SYNJ2: variants seen among roughly 807,000 people sequenced by gnomAD.
SYNJ2 encodes synaptojanin 2.
A neutral mutation model predicts 141.3 loss-of-function variants in SYNJ2; 116 were observed. The observed-to-expected ratio is 0.82, with a 90% CI of 0.71 to 0.96. The LOEUF (loss-of-function observed/expected upper bound fraction) is 0.96, where lower values mean the gene tolerates loss of function less well. Among genes scored for constraint, SYNJ2 ranks in the 40% least tolerant of loss-of-function variants. The probability of loss-of-function intolerance (pLI) is 0.00; values close to 1 mark genes in which losing one functional copy is unlikely to be tolerated. For missense variants in SYNJ2, 1,873 were observed against 1,934.8 expected (o/e 0.97, Z 0.60); for synonymous variants, 745 against 777.7 (o/e 0.96, Z 0.70).
chr6:158,066,711 C>A, intron 12 of SYNJ2, 76 bp downstream of exon 12: 1 of 1,516,248 alleles, frequency 6.6e-7, no homozygotes. Context: ...CCTTTAGTGG[C>A]CATCGTCTTG....
In SYNJ2 at chr6:158,096,178, C is replaced by T. The variant is rs942846207; in HGVS notation, c.4305C>T (p.Asp1435=). ...ACACTTGGCTTTCTAAGAGCTCAGA[C>T]CCTTTGGACTCAGGAACCAGGAGCC... ...LNNTWLSKSS[D]PLDSGTRSPK... Residue 1435 remains aspartate (D), a synonymous_variant, in exon 27 of 27, where the codon GAC becomes GAT. Transcript: ENST00000355585. 2 of 1,614,136 alleles carry T rather than the reference C, an allele frequency of 1.2e-6. No individual in the cohort carries two copies. The highest frequency in any genetic ancestry group is 1.7e-5 in the Admixed American group (1 of 60,016).
At chr6:157,996,900 G>A (rs889171359) in intron 1 of SYNJ2, among the ~76,000 whole-genome samples, 5 of 152,150 alleles carry the variant, frequency 3.3e-5, no homozygotes, top group African/African-American at 1.2e-4. Context: ...ACAGATCCAT[G>A]AGCCAATTAA....
intron 4 of SYNJ2, among the ~76,000 whole-genome samples, chr6:158,037,418 T>G (rs78504203): frequency 1.4e-5 from 2 of 140,300 alleles, no homozygotes; most frequent in East Asian, 4.0e-4. Context: ...TTTTTTTTTT[T>G]GGAGACGGAG....
At chr6:158,033,963 C>G (rs760091404) in intron 4 of SYNJ2, among the ~76,000 whole-genome samples, 1 of 152,094 alleles carries the variant, frequency 6.6e-6, no homozygotes. Flanking sequence ...TTGCCTTGGT[C>G]GTGAAAGGTG....
intron 1 of SYNJ2, among the ~76,000 whole-genome samples, chr6:157,987,745 T>C (rs1246688590): frequency 1.3e-5 from 2 of 152,236 alleles, no homozygotes; most frequent in African/African-American, 4.8e-5. Context: ...ACTCTCCTAG[T>C]GATTTCAAAA....
chr6:157,988,544 C>T (rs1777294085), intron 1 of SYNJ2, among the ~76,000 whole-genome samples: 1 of 152,218 alleles, frequency 6.6e-6, no homozygotes, highest in Non-Finnish European at 1.5e-5. Flanking sequence ...CCGTGTCTCT[C>T]TGCTGTGTCT....
chr6:158,034,854 TG>T (rs1394174510), intron 4 of SYNJ2, among the ~76,000 whole-genome samples: 4 of 152,230 alleles, frequency 2.6e-5, no homozygotes, highest in Non-Finnish European at 5.9e-5. Context: ...AGTTGATTTT[TG>T]TATATGGTGT....
chr6:158,062,236 G>A (rs1781270845), intron 8 of SYNJ2, 72 bp downstream of exon 8: 12 of 1,568,708 alleles, frequency 7.6e-6, no homozygotes, highest in South Asian at 3.6e-5. Flanking sequence ...GGCTCGCTGC[G>A]TGCTGTGCCT....
chr6:158,073,138 T>G (rs963966044), intron 15 of SYNJ2, among the ~76,000 whole-genome samples: 1 of 152,150 alleles, frequency 6.6e-6, no homozygotes, highest in Non-Finnish European at 1.5e-5. Flanking sequence ...ATTAAAGGAT[T>G]TATAATGTAG....
In SYNJ2 at chr6:158,095,106, G is replaced by A. The variant is rs536622847; in HGVS notation, c.3745-512G>A. Among the ~76,000 whole-genome samples, 19 of 150,910 alleles carry A rather than the reference G, an allele frequency of 1.3e-4. No individual in the cohort carries two copies. The East Asian group carries it at 2.3e-3, about 19-fold the overall frequency. On this transcript the variant is annotated intron_variant, in intron 26 of 26. Transcript: ENST00000355585. ...GGAGGTTACAGTGAGCTGAGATTGCGCCATTGCACTCCAGCCTGGGGGACA... is the reference window on the plus strand; with the variant it reads ...GGAGGTTACAGTGAGCTGAGATTGCACCATTGCACTCCAGCCTGGGGGACA...
At position 157,995,661 on chromosome 6, in the gene SYNJ2, G is replaced by GCA. The variant is rs147650031; in HGVS notation, c.127+13586_127+13587dup. Among the ~76,000 whole-genome samples, 12 of 151,676 alleles carry GCA rather than the reference G, an allele frequency of 7.9e-5. No homozygotes were observed. In the South Asian group the frequency reaches 2.1e-3, roughly 26 times the overall value. Reference sequence around the variant, plus strand: ...CCAGGAGACAGACGGACACATGCATGCACACACACACACAGCGGGGACGGG... The same window carrying GCA: ...CCAGGAGACAGACGGACACATGCATGCACACACACACACACAGCGGGGACGGG... On this transcript the variant is annotated intron_variant, in intron 1 of 26. Coordinates refer to ENST00000355585, the MANE Select transcript of SYNJ2 (RefSeq NM_003898.4).
rs1389999015 is a variant in SYNJ2 at position 158,076,691 on chromosome 6, A to C, written c.2358A>C (p.Ser786=). ...CCACCTACAAGTATGACGTTGGCTC[A>C]GCCGCCTACGATACAAGCGACAAAT... ...FGPTYKYDVG[S]AAYDTSDKCR... The change falls in exon 17 of 27, where the codon TCA becomes TCC. Residue 786 remains serine, a synonymous_variant. Coordinates refer to ENST00000355585, the MANE Select transcript of SYNJ2 (RefSeq NM_003898.4). The C allele has an allele frequency of 4.3e-6, 7 of 1,614,106 alleles. No homozygotes were observed. The highest frequency in any genetic ancestry group is 3.3e-5 in the Admixed American group (2 of 60,006).
In SYNJ2 at chr6:158,037,864, C is replaced by T. The variant is rs533919684; in HGVS notation, c.711+4184C>T. On this transcript the variant is annotated intron_variant, in intron 4 of 26. Coordinates refer to ENST00000355585, the MANE Select transcript of SYNJ2 (RefSeq NM_003898.4). ...TTAGAGGACTGTGCTTTACAGGCAG[C>T]GCCTGTGGCCCTGTGAGAACTCTCG... 2.8e-4 allele frequency among the ~76,000 whole-genome samples: 43 copies of T among 152,374 alleles called. 1 individual carries two copies. In the South Asian group the frequency reaches 3.3e-3, roughly 12 times the overall value.
At chr6:158,080,972 A>G in intron 18 of SYNJ2, 137 bp from the exon 19 acceptor site, 1 of 781,048 alleles carries the variant, frequency 1.3e-6, no homozygotes. Context: ...CTGTTTACAA[A>G]GAGCCCTGGG....
chr6:158,081,186 C>T lies in SYNJ2; in HGVS notation c.2645C>T (p.Ser882Phe). The change falls in exon 19 of 27, where the codon TCC (serine) becomes TTC (phenylalanine). Residue 882 changes from serine (S) to phenylalanine (F), a missense_variant. Coordinates refer to ENST00000355585, the MANE Select transcript of SYNJ2 (RefSeq NM_003898.4). ...CGGGAGAGGGTTTTCCAGGAAGTGTCCTCCTTCCAGGGCCCCCTGGATGCC... is the reference window on the plus strand; with the variant it reads ...CGGGAGAGGGTTTTCCAGGAAGTGTTCTCCTTCCAGGGCCCCCTGGATGCC... ...GARERVFQEV[S>F]SFQGPLDATV... 1 of 1,614,084 alleles carries T rather than the reference C, an allele frequency of 6.2e-7. No homozygotes were observed. The highest frequency in any genetic ancestry group is 1.1e-5 in the South Asian group (1 of 91,068).
In SYNJ2 at chr6:158,017,702, G is replaced by A. The variant is rs374744882; in HGVS notation, c.214+412G>A. Reference sequence around the variant, plus strand: ...AGTGCTGGGATTACAGCCATGAGCCGCCGTGCCTGGCCGACCTCTCTTCTC... The same window carrying A: ...AGTGCTGGGATTACAGCCATGAGCCACCGTGCCTGGCCGACCTCTCTTCTC... On this transcript the variant is annotated intron_variant, in intron 2 of 26. Coordinates refer to ENST00000355585, the MANE Select transcript of SYNJ2 (RefSeq NM_003898.4). 2,142 of 514,638 alleles carry A rather than the reference G, an allele frequency of 4.2e-3. 61 individuals are homozygous for A. Among genetic ancestry groups the A allele is most frequent in the South Asian group, 0.03 (2,080 of 68,952 alleles). 31.9% of individuals were successfully genotyped at this position (514,638 alleles called of 1,614,324 possible). A position where few individuals can be genotyped will look rare whatever the true frequency, so the allele number is the denominator to read the frequency against.
chr6:158,032,717 T>C (rs564300800), intron 3 of SYNJ2, among the ~76,000 whole-genome samples: 9 of 152,170 alleles, frequency 5.9e-5, no homozygotes, highest in South Asian at 2.1e-4. Context: ...ACCTTTCACA[T>C]AGGGTCACTT....
At chr6:158,020,959 C>T (rs528671530) in intron 2 of SYNJ2, among the ~76,000 whole-genome samples, 2 of 152,270 alleles carry the variant, frequency 1.3e-5, no homozygotes, top group Admixed American at 6.5e-5. Flanking sequence ...TTGTAGAAAG[C>T]CCAAAGTTCC....
At chr6:158,083,962 T>G in intron 21 of SYNJ2, 39 bp from the exon 22 acceptor site, 1 of 1,608,728 alleles carries the variant, frequency 6.2e-7, no homozygotes, top group Non-Finnish European at 8.5e-7. Context: ...TTCCCCCTCA[T>G]TGTTTTCACC....
Sources: gnomAD v4.1 joint callset for allele counts (sites outside exome capture counted in the v4.1 genomes callset) on GRCh38, gnomAD v4.1.1 for gene constraint, MANE v1.5 for transcripts, NCBI Gene and HGNC (gene_info 2026-07-23, HGNC 2026-07-21) for gene names.